The following ACTR3C variants were observed in gnomAD, a reference collection of about 807,000 sequenced individuals.
ACTR3C encodes actin-related protein 3C.
A neutral mutation model predicts 26.3 loss-of-function variants in ACTR3C; 18 were observed. The ratio of observed to expected loss-of-function variants is 0.68; its 90% CI spans 0.47 to 1.01. ACTR3C has a LOEUF of 1.01. Among genes scored for constraint, ACTR3C ranks in the 50% least tolerant of loss-of-function variants. The pLI, the probability that ACTR3C is intolerant of heterozygous loss-of-function variation, is 0.00. For missense variants in ACTR3C, 184 were observed against 250.7 expected (o/e 0.73, Z 1.80); for synonymous variants, 55 against 94.5 (o/e 0.58, Z 2.42).
the ACTR3C span, among the ~76,000 whole-genome samples, chr7:149,894,934 C>T: frequency 1.3e-5 from 2 of 151,964 alleles, no homozygotes; most frequent in African/African-American, 4.8e-5. Context: ...GCTATCTGCA[C>T]TCCCATGTTT....
chr7:150,024,311 A>G, the ACTR3C span, among the ~76,000 whole-genome samples: 1 of 152,128 alleles, frequency 6.6e-6, no homozygotes, highest in Non-Finnish European at 1.5e-5. Flanking sequence ...GGGGAGCAGG[A>G]GGACCCACGG....
At chr7:150,221,138 G>T in the ACTR3C span, among the ~76,000 whole-genome samples, 1 of 152,282 alleles carries the variant, frequency 6.6e-6, no homozygotes, top group Non-Finnish European at 1.5e-5. Flanking sequence ...TTGAGCAGGC[G>T]CTGCGCGCGG....
chr7:150,173,500 G>T, the ACTR3C span, among the ~76,000 whole-genome samples: 219 of 148,396 alleles, frequency 1.5e-3, 6 homozygotes, highest in African/African-American at 5.6e-3. Flanking sequence ...GGAGGAAGTG[G>T]CCCAGGAAAC....
At chr7:150,235,248 T>C in the ACTR3C span, among the ~76,000 whole-genome samples, 3 of 152,338 alleles carry the variant, frequency 2.0e-5, no homozygotes, top group South Asian at 6.2e-4. Context: ...AGATCCATTT[T>C]TCGTCCTGGA....
chr7:150,095,425 C>G, the ACTR3C span, among the ~76,000 whole-genome samples: 4 of 150,624 alleles, frequency 2.7e-5, 1 homozygote, highest in Non-Finnish European at 5.9e-5. Context: ...CAGGCTATTC[C>G]ATAAGGCTAG....
chr7:150,036,194 G>A, the ACTR3C span, among the ~76,000 whole-genome samples: 1 of 145,702 alleles, frequency 6.9e-6, no homozygotes, highest in South Asian at 2.1e-4. Flanking sequence ...AAGAGCCAGG[G>A]GGGAAGAGGG....
At chr7:150,181,453 A>G in the ACTR3C span, among the ~76,000 whole-genome samples, 1 of 150,700 alleles carries the variant, frequency 6.6e-6, no homozygotes, top group East Asian at 1.9e-4. Context: ...TAGGCTTGGT[A>G]GCACACACAC....
At chr7:150,222,213 A>G in the ACTR3C span, among the ~76,000 whole-genome samples, 4 of 152,190 alleles carry the variant, frequency 2.6e-5, no homozygotes, top group Non-Finnish European at 4.4e-5. Context: ...CCTGAGATGA[A>G]TATGAAGGCT....
chr7:150,316,060 C>T (rs1019130898), intron 1 of ACTR3C, among the ~76,000 whole-genome samples: 15 of 152,118 alleles, frequency 9.9e-5, no homozygotes, highest in Non-Finnish European at 2.2e-4. Context: ...AGCTGGGCAT[C>T]GTGGCACATG....
the ACTR3C span, among the ~76,000 whole-genome samples, chr7:150,040,046 G>A: frequency 1.4e-4 from 18 of 131,614 alleles, 1 homozygote; most frequent in South Asian, 4.5e-4. Context: ...CTGAGTCCCC[G>A]CCTCGCGGGG....
intron 6 of ACTR3C, among the ~76,000 whole-genome samples, chr7:150,266,989 T>C (rs1834090084): frequency 6.6e-6 from 1 of 152,244 alleles, no homozygotes; most frequent in African/African-American, 2.4e-5. Context: ...TCCTGGGTAC[T>C]TCCCAAGGAG....
At chr7:150,226,162 A>G in the ACTR3C span, among the ~76,000 whole-genome samples, 2 of 152,150 alleles carry the variant, frequency 1.3e-5, no homozygotes, top group African/African-American at 4.8e-5. Context: ...AAACTTTTGC[A>G]TGTAGATTTT....
chr7:150,056,469 ATAC>A, the ACTR3C span, among the ~76,000 whole-genome samples: 1 of 152,212 alleles, frequency 6.6e-6, no homozygotes, highest in African/African-American at 2.4e-5. Flanking sequence ...AGGTTTGTCT[ATAC>A]TACTAATTGC....
At chr7:149,929,096 C>T in the ACTR3C span, among the ~76,000 whole-genome samples, 1 of 152,026 alleles carries the variant, frequency 6.6e-6, no homozygotes, top group Admixed American at 6.6e-5. Context: ...CAAAAATCAC[C>T]ATTTTGCAAC....
At chr7:150,294,656 TTCC>T (rs1358905731) in intron 2 of ACTR3C, among the ~76,000 whole-genome samples, 2 of 152,148 alleles carry the variant, frequency 1.3e-5, no homozygotes, top group Non-Finnish European at 2.9e-5. Context: ...TATGGAACTT[TTCC>T]TCCTCCTCCT....
intron 1 of ACTR3C, among the ~76,000 whole-genome samples, chr7:150,299,615 A>G (rs1440923994): frequency 1.3e-5 from 2 of 151,664 alleles, no homozygotes; most frequent in Non-Finnish European, 2.9e-5. Context: ...GGGAAACCCC[A>G]TCTCTGCTAA....
At chr7:149,983,449 G>GTATATATATATATATATA in the ACTR3C span, among the ~76,000 whole-genome samples, 7 of 23,276 alleles carry the variant, frequency 3.0e-4, no homozygotes, top group African/African-American at 7.3e-4. Flanking sequence ...GTGTGTGTGT[G>GTATATATATATATATATA]TATATATATA....
chr7:150,199,616 T>TA, the ACTR3C span, among the ~76,000 whole-genome samples: 23 of 83,794 alleles, frequency 2.7e-4, no homozygotes, highest in South Asian at 7.4e-4. Context: ...AAAATAAATT[T>TA]AAAAAAAAAA....
the ACTR3C span, among the ~76,000 whole-genome samples, chr7:150,130,485 A>G: frequency 6.6e-6 from 1 of 152,342 alleles, no homozygotes; most frequent in East Asian, 1.9e-4. Flanking sequence ...AATGTCCAAT[A>G]ATAAACTGGT....
Sources: gnomAD v4.1 joint callset for allele counts (sites outside exome capture counted in the v4.1 genomes callset) on GRCh38, gnomAD v4.1.1 for gene constraint, MANE v1.5 for transcripts, NCBI Gene and HGNC (gene_info 2026-07-23, HGNC 2026-07-21) for gene names.